Variants in GRIN2A observed in about 807,000 individuals in gnomAD.
GRIN2A encodes glutamate ionotropic receptor NMDA type subunit 2A.
A neutral mutation model predicts 113.4 loss-of-function variants in GRIN2A; 22 were observed. The observed-to-expected ratio is 0.19, with a 90% CI of 0.14 to 0.28. The LOEUF (loss-of-function observed/expected upper bound fraction) is 0.28, where lower values mean the gene tolerates loss of function less well. Among genes scored for constraint, GRIN2A ranks in the 10% least tolerant of loss-of-function variants. GRIN2A has a pLI of 1.00. For missense variants in GRIN2A, 1,502 were observed against 1,887.0 expected (o/e 0.80, Z 3.78); for synonymous variants, 827 against 738.4 (o/e 1.12, Z -1.94).
chr16:9,773,018 G>A (rs746796516), intron 11 of GRIN2A, among the ~76,000 whole-genome samples: 1 of 151,038 alleles, frequency 6.6e-6, no homozygotes, highest in Non-Finnish European at 1.5e-5. Context: ...CCTGCCTCGT[G>A]GCCCTCTTTG....
rs143789663 is a variant in GRIN2A, at chr16:9,851,415, T to C, written c.1123-1454A>G. ...CATCAAATTCTTCATTCATTCGACATAGATTTATTGAAGACCTACGATGTC... is the reference window on the plus strand; with the variant it reads ...CATCAAATTCTTCATTCATTCGACACAGATTTATTGAAGACCTACGATGTC... On this transcript the variant is annotated intron_variant, in intron 4 of 12. Transcript: ENST00000330684. Among the ~76,000 whole-genome samples, 340 of 152,314 alleles carry C rather than the reference T, an allele frequency of 2.2e-3. 1 individual carries two copies. The highest frequency in any genetic ancestry group is 7.8e-3 in the African/African-American group (326 of 41,576).
rs369821921 is a variant in GRIN2A at position 10,036,449 on chromosome 16, C to CTT, written c.415-97900_415-97899dup. 1.6e-3 allele frequency among the ~76,000 whole-genome samples: 73 copies of CTT among 45,978 alleles called. 1 individual carries two copies. The highest frequency in any genetic ancestry group is 2.6e-3 in the Admixed American group (9 of 3,398). 30.2% of individuals were successfully genotyped at this position (45,978 alleles called of 152,430 possible). On this transcript the variant is annotated intron_variant, in intron 2 of 12. Coordinates refer to ENST00000330684, the MANE Select transcript of GRIN2A (RefSeq NM_001134407.3). ...ATATTAGTACTTACTTTTTTTTTTTCTTTTTTTTTTTTTTTTTTTTTTTTT... is the reference window on the plus strand; with the variant it reads ...ATATTAGTACTTACTTTTTTTTTTTCTTTTTTTTTTTTTTTTTTTTTTTTTTT...
chr16:9,833,754 C>G (rs987848407), intron 8 of GRIN2A, among the ~76,000 whole-genome samples: 1 of 152,202 alleles, frequency 6.6e-6, no homozygotes, highest in Non-Finnish European at 1.5e-5. Context: ...GAGTCTCGCT[C>G]TGTCCCTCAG....
chr16:9,876,612 T>C (rs1212128249), intron 4 of GRIN2A, among the ~76,000 whole-genome samples: 1 of 152,204 alleles, frequency 6.6e-6, no homozygotes, highest in Non-Finnish European at 1.5e-5. Context: ...CAACATTCCC[T>C]AAAATCCCGG....
chr16:10,075,187 C>G (rs571732431), intron 2 of GRIN2A, among the ~76,000 whole-genome samples: 1 of 152,056 alleles, frequency 6.6e-6, no homozygotes, highest in African/African-American at 2.4e-5. Context: ...GTACCTGGCG[C>G]GTAGTCAGCA....
chr16:9,972,102 T>A (rs2045684205), intron 2 of GRIN2A, among the ~76,000 whole-genome samples: 1 of 152,182 alleles, frequency 6.6e-6, no homozygotes, highest in Non-Finnish European at 1.5e-5. Context: ...TTGGCATGTA[T>A]ATGTAAACTC....
At chr16:10,129,984 T>C (rs1228281816) in intron 2 of GRIN2A, among the ~76,000 whole-genome samples, 1 of 152,154 alleles carries the variant, frequency 6.6e-6, no homozygotes, top group East Asian at 1.9e-4. Context: ...TTGCTGATGG[T>C]TTCTACATAG....
At chr16:9,784,379 G>A (rs192755901) in intron 11 of GRIN2A, among the ~76,000 whole-genome samples, 21 of 146,130 alleles carry the variant, frequency 1.4e-4, no homozygotes, top group African/African-American at 4.6e-4. Flanking sequence ...ACAGTAAGCC[G>A]AGATCTCACC....
intron 2 of GRIN2A, among the ~76,000 whole-genome samples, chr16:10,102,244 C>T (rs142491706): frequency 1.4e-3 from 210 of 152,368 alleles, no homozygotes; most frequent in Non-Finnish European, 2.1e-3. Flanking sequence ...CCCTCATGAA[C>T]AGCCTAGCAC....
rs146157761 is a variant in GRIN2A at position 9,840,942 on chromosome 16, G to C, written c.1491C>G (p.Ile497Met). 1.9e-6 allele frequency: 3 copies of C among 1,613,318 alleles called. No homozygotes were observed. The highest frequency in any genetic ancestry group is 2.5e-6 in the Non-Finnish European group (3 of 1,179,614). ...KKVNNVWNGM[I>M]GEVVYQRAVM... ...GGATGAAAAGATAACTTACTTCACC[G>C]ATCATTCCATTCCACACATTGTTAA... Residue 497 changes from isoleucine (I) to methionine (M), a missense_variant, in exon 6 of 13, where the codon ATC becomes ATG. Ile to Met is a conservative substitution (Grantham distance 10, BLOSUM62 1). Transcript: ENST00000330684.
In GRIN2A at chr16:9,959,920, C is replaced by G. The variant is rs547998358; in HGVS notation, c.415-21369G>C. ...CCCGGGAGGCAGAGGTTGCATTGAGCCAAAATCGGGCCACTGCACTCCAGC... is the reference window on the plus strand; with the variant it reads ...CCCGGGAGGCAGAGGTTGCATTGAGGCAAAATCGGGCCACTGCACTCCAGC... On this transcript the variant is annotated intron_variant, in intron 2 of 12. Coordinates refer to ENST00000330684, the MANE Select transcript of GRIN2A (RefSeq NM_001134407.3). Among the ~76,000 whole-genome samples the G allele has an allele frequency of 3.3e-5, 5 of 152,296 alleles. No homozygotes were observed. In the South Asian group the frequency reaches 1.0e-3, roughly 32 times the overall value.
intron 3 of GRIN2A, among the ~76,000 whole-genome samples, chr16:9,891,998 G>A (rs865949811): frequency 3.9e-5 from 6 of 152,176 alleles, no homozygotes; most frequent in African/African-American, 1.4e-4. Flanking sequence ...GGAGGCTGAG[G>A]TAGGGGAATC....
intron 2 of GRIN2A, among the ~76,000 whole-genome samples, chr16:9,958,030 C>G (rs184111061): frequency 3.0e-4 from 46 of 152,304 alleles, no homozygotes; most frequent in Non-Finnish European, 6.0e-4. Flanking sequence ...TAGTGATAAA[C>G]TGCTTTAGAA....
intron 3 of GRIN2A, among the ~76,000 whole-genome samples, chr16:9,922,910 T>C (rs1011466570): frequency 2.0e-5 from 3 of 152,182 alleles, no homozygotes; most frequent in Non-Finnish European, 4.4e-5. Flanking sequence ...GCCTAGAATA[T>C]GATATATCCT....
chr16:9,917,498 G>A (rs549147561), intron 3 of GRIN2A, among the ~76,000 whole-genome samples: 2 of 152,220 alleles, frequency 1.3e-5, no homozygotes, highest in African/African-American at 4.8e-5. Context: ...TCTCAAAGGA[G>A]GATAATATCG....
chr16:9,877,677 C>T (rs761439937), intron 4 of GRIN2A, among the ~76,000 whole-genome samples: 1 of 120,346 alleles, frequency 8.3e-6, no homozygotes, highest in African/African-American at 3.2e-5. Context: ...CCCCTTCTTC[C>T]CCTCTCTCTT....
chr16:9,784,453 A>AG (rs71157784), intron 11 of GRIN2A, among the ~76,000 whole-genome samples: 3 of 149,276 alleles, frequency 2.0e-5, no homozygotes, highest in Middle Eastern at 3.4e-3. Context: ...AAAAAAAAAA[A>AG]CAAACAAACA....
At chr16:9,979,196 T>C (rs1273167480) in intron 2 of GRIN2A, among the ~76,000 whole-genome samples, 4 of 152,180 alleles carry the variant, frequency 2.6e-5, no homozygotes, top group Non-Finnish European at 5.9e-5. Flanking sequence ...ATTCAAGCTC[T>C]CATTCTGTGA....
intron 11 of GRIN2A, among the ~76,000 whole-genome samples, chr16:9,775,973 G>A (rs956395472): frequency 2.0e-5 from 3 of 152,220 alleles, no homozygotes; most frequent in African/African-American, 4.8e-5. Context: ...CACTATTAGA[G>A]TCCTGTCCTG....
Sources: allele counts gnomAD v4.1 joint callset (sites outside exome capture counted in the v4.1 genomes callset), GRCh38; gene constraint gnomAD v4.1.1; transcripts MANE v1.5; gene names NCBI Gene and HGNC (gene_info 2026-07-23, HGNC 2026-07-21).